HDAC9: variants seen among roughly 807,000 people sequenced by gnomAD.
The protein encoded by HDAC9 is MEF-2 interacting transcription repressor (MITR) protein.
A neutral mutation model predicts 139.4 loss-of-function variants in HDAC9; 41 were observed. The observed-to-expected ratio is 0.29, with a 90% CI of 0.23 to 0.38. The LOEUF is 0.38. HDAC9 is among the 10% of genes least tolerant of loss of function. HDAC9 has a pLI of 1.00. For missense variants in HDAC9, 1,147 were observed against 1,297.0 expected, an observed-to-expected ratio of 0.88 and a Z score of 1.78; for synonymous variants, 517 against 476.2, an observed-to-expected ratio of 1.09 and a Z score of -1.12.
chr7:18,475,777 C>T (rs148510774), intron 1 of HDAC9, among the ~76,000 whole-genome samples: 265 of 152,314 alleles, frequency 1.7e-3, no homozygotes, highest in African/African-American at 6.2e-3. Context: ...GTGTTAGGCT[C>T]TAGCTTCTGT....
chr7:18,169,601 C>T (rs544000579), intron 2 of HDAC9, among the ~76,000 whole-genome samples: 1 of 152,020 alleles, frequency 6.6e-6, no homozygotes, highest in Non-Finnish European at 1.5e-5. Flanking sequence ...CTAATGCTAT[C>T]CCTCCCCCTG....
chr7:18,547,880 C>CCTCT (rs1328665775), intron 2 of HDAC9, among the ~76,000 whole-genome samples: 1 of 135,210 alleles, frequency 7.4e-6, no homozygotes, highest in East Asian at 2.3e-4. Flanking sequence ...TCCCTCCCTC[C>CCTCT]CTCTCTCCCT....
chr7:18,390,314 G>A (rs1360749996), intron 1 of HDAC9, among the ~76,000 whole-genome samples: 1 of 152,114 alleles, frequency 6.6e-6, no homozygotes, highest in African/African-American at 2.4e-5. Context: ...CTGGAGAGGG[G>A]GTTTCAGTGC....
intron 1 of HDAC9, among the ~76,000 whole-genome samples, chr7:18,313,672 A>C (rs1245927799): frequency 6.6e-6 from 1 of 152,188 alleles, no homozygotes; most frequent in African/African-American, 2.4e-5. Context: ...GCACACACTA[A>C]CAATTTAATT....
At chr7:18,701,807 A>T (rs1355098919) in intron 12 of HDAC9, among the ~76,000 whole-genome samples, 1 of 152,258 alleles carries the variant, frequency 6.6e-6, no homozygotes, top group Admixed American at 6.5e-5. Flanking sequence ...ATGATTTCCC[A>T]TAAATTCACC....
chr7:18,310,293 T>TCACAGATA (rs1477481059), intron 1 of HDAC9, among the ~76,000 whole-genome samples: 2 of 152,208 alleles, frequency 1.3e-5, no homozygotes, highest in African/African-American at 4.8e-5. Flanking sequence ...GACTACACGG[T>TCACAGATA]TTTGAAAAAC....
At chr7:18,774,554 T>A (rs545764845) in intron 16 of HDAC9, among the ~76,000 whole-genome samples, 1 of 152,176 alleles carries the variant, frequency 6.6e-6, no homozygotes, top group South Asian at 2.1e-4. Flanking sequence ...ATTATATCTT[T>A]AAAAATGTAC....
chr7:18,909,452 T>C (rs555031573), intron 22 of HDAC9, among the ~76,000 whole-genome samples: 33 of 152,122 alleles, frequency 2.2e-4, no homozygotes, highest in African/African-American at 7.2e-4. Flanking sequence ...GCCTTATCCA[T>C]AAAGTTCTTG....
intron 2 of HDAC9, among the ~76,000 whole-genome samples, chr7:18,214,659 G>T (rs764768559): frequency 9.9e-5 from 15 of 151,928 alleles, no homozygotes; most frequent in Non-Finnish European, 2.1e-4. Context: ...TATAATATAT[G>T]ATAGCCATTA....
In HDAC9 at chr7:18,648,396, T is replaced by TTGTGTG. The variant is rs1323588548; in HGVS notation, c.1250-62_1250-57dup. 4.7e-5 allele frequency: 57 copies of TTGTGTG among 1,206,796 alleles called. No individual in the cohort carries two copies. The African/African-American group carries it at 7.2e-4, about 15-fold the overall frequency. The allele number at this position is 1,206,796 out of a possible 1,614,324, so 74.8% of individuals were successfully genotyped here. A position where few individuals can be genotyped will look rare whatever the true frequency, so the allele number is the denominator to read the frequency against. ...TTTGGCTTCTTATCTTTTCTTAAAA[T>TTGTGTG]TGTGTGTGTGTGTATGTGTGTGTGT... On this transcript the variant is annotated intron_variant, in intron 10 of 25. Transcript: ENST00000686413.
chr7:18,232,177 C>T (rs1338635861), intron 2 of HDAC9, among the ~76,000 whole-genome samples: 2 of 152,114 alleles, frequency 1.3e-5, no homozygotes, highest in Non-Finnish European at 2.9e-5. Context: ...GGGGTCGTCT[C>T]CCTCCTTGAT....
At chr7:18,113,799 CT>C (rs559250485) in intron 1 of HDAC9, among the ~76,000 whole-genome samples, 14 of 152,054 alleles carry the variant, frequency 9.2e-5, no homozygotes, top group South Asian at 2.1e-4. Context: ...AGATACAGAG[CT>C]TTTTTTTATA....
intron 1 of HDAC9, among the ~76,000 whole-genome samples, chr7:18,385,893 T>A (rs1356580772): frequency 6.6e-6 from 1 of 152,192 alleles, no homozygotes; most frequent in East Asian, 1.9e-4. Flanking sequence ...ACTGAGCTCC[T>A]TTCCTTCTTC....
chr7:18,800,297 G>T (rs1793175920), intron 17 of HDAC9, among the ~76,000 whole-genome samples: 1 of 152,054 alleles, frequency 6.6e-6, no homozygotes, highest in African/African-American at 2.4e-5. Flanking sequence ...TATCTGATAG[G>T]AAAAATTTTT....
At chr7:18,230,816 A>G (rs1793407328) in intron 2 of HDAC9, among the ~76,000 whole-genome samples, 1 of 152,248 alleles carries the variant, frequency 6.6e-6, no homozygotes, top group South Asian at 2.1e-4. Flanking sequence ...GGTGGCAGTA[A>G]TAGCTCTATT....
At chr7:18,279,613 C>A (rs555784307) in intron 2 of HDAC9, among the ~76,000 whole-genome samples, 21 of 151,866 alleles carry the variant, frequency 1.4e-4, no homozygotes, top group Non-Finnish European at 2.5e-4. Flanking sequence ...CTACAGGCGC[C>A]CGCCACCACA....
chr7:18,962,102 A>G (rs533719849), intron 24 of HDAC9, among the ~76,000 whole-genome samples: 94 of 152,230 alleles, frequency 6.2e-4, no homozygotes, highest in African/African-American at 2.2e-3. Flanking sequence ...CCCCTTATAA[A>G]CTTGTAAAAT....
At chr7:18,458,160 C>A (rs770401297) in intron 1 of HDAC9, among the ~76,000 whole-genome samples, 1 of 152,168 alleles carries the variant, frequency 6.6e-6, no homozygotes, top group Non-Finnish European at 1.5e-5. Context: ...TCAAAAGAGA[C>A]GCTCACCCTC....
intron 15 of HDAC9, among the ~76,000 whole-genome samples, chr7:18,766,272 A>C (rs1307908823): frequency 1.3e-5 from 2 of 152,186 alleles, no homozygotes; most frequent in Non-Finnish European, 2.9e-5. Flanking sequence ...TACTCCACAG[A>C]CAGATTTTAA....
Sources: allele counts gnomAD v4.1 joint callset (sites outside exome capture counted in the v4.1 genomes callset), GRCh38; gene constraint gnomAD v4.1.1; transcripts MANE v1.5; gene names NCBI Gene and HGNC (gene_info 2026-07-23, HGNC 2026-07-21).